The following MROH1 variants were observed in gnomAD, a reference collection of about 807,000 sequenced individuals.
MROH1 encodes the protein maestro heat-like repeat-containing protein family member 1.
MROH1 carries 117 observed loss-of-function variants against 116.5 expected under a neutral mutation model. That is an observed-to-expected ratio of 1.00 (90% CI 0.86 to 1.17). MROH1 has a LOEUF of 1.17. MROH1 is among the 50% of genes most tolerant of loss of function. MROH1 has a pLI of 0.00. For synonymous variants in MROH1, 921 were observed against 583.9 expected, an observed-to-expected ratio of 1.58 and a Z score of -8.32; for missense variants, 1,873 against 1,338.5, an observed-to-expected ratio of 1.40 and a Z score of -6.23.
At chr8:144,244,868 T>C (rs1316869460) in intron 28 of MROH1, among the ~76,000 whole-genome samples, 1 of 152,054 alleles carries the variant, frequency 6.6e-6, no homozygotes, top group Non-Finnish European at 1.5e-5. Flanking sequence ...ATGCTCGGAG[T>C]GTGTTCTTCT....
At chr8:144,205,073 T>A (rs1278505156) in intron 12 of MROH1, among the ~76,000 whole-genome samples, 1 of 152,180 alleles carries the variant, frequency 6.6e-6, no homozygotes, top group East Asian at 1.9e-4. Context: ...TTTGTGGGTA[T>A]GTTATGAGGT....
At position 144,250,346 on chromosome 8, in the gene MROH1, C is replaced by A; in HGVS notation, c.3408C>A (p.Gly1136=). The change falls in exon 33 of 44, where the codon GGC becomes GGA. Residue 1136 remains glycine (G), a synonymous_variant. Transcript: ENST00000326134. The part of the protein sequence containing the change: ...HCAAVVSSLL[G]SPLPLDSHTC... ...CAGCCGTGGTGTCCAGCCTCCTGGG[C>A]AGCCCCTTGCCCTTGGACAGGTACC... 1.3e-6 allele frequency: 1 copy of A among 766,362 alleles called. No homozygotes were observed. 47.5% of individuals were successfully genotyped at this position (766,362 alleles called of 1,614,324 possible). A position where few individuals can be genotyped will look rare whatever the true frequency, so the allele number is the denominator to read the frequency against.
intron 14 of MROH1, among the ~76,000 whole-genome samples, chr8:144,223,694 C>T (rs1012973026): frequency 2.0e-5 from 3 of 152,190 alleles, no homozygotes; most frequent in South Asian, 4.1e-4. Flanking sequence ...CAAGGTAGAA[C>T]GTGGTGAAAT....
At chr8:144,217,904 G>T (rs1384089964) in intron 12 of MROH1, among the ~76,000 whole-genome samples, 1 of 150,948 alleles carries the variant, frequency 6.6e-6, no homozygotes, top group African/African-American at 2.4e-5. Flanking sequence ...GGGTGGCTGC[G>T]TTAGAGGCCC....
chr8:144,254,581 G>A, intron 33 of MROH1: 1 of 553,178 alleles, frequency 1.8e-6, no homozygotes, highest in Non-Finnish European at 3.2e-6. Flanking sequence ...TGTGTGTATA[G>A]GCCCAGATTT....
intron 33 of MROH1, chr8:144,252,737 A>G (rs1238158434): frequency 1.3e-5 from 2 of 151,110 alleles, no homozygotes; most frequent in African/African-American, 4.9e-5. Flanking sequence ...GAGGTGGACC[A>G]CCTGAGGTTG....
intron 1 of MROH1, among the ~76,000 whole-genome samples, chr8:144,158,797 C>T (rs1342880726): frequency 6.6e-6 from 1 of 151,722 alleles, no homozygotes; most frequent in Non-Finnish European, 1.5e-5. Flanking sequence ...GAGGCTGGAG[C>T]ACAGTGGTGT....
Position 144,200,391 on chromosome 8 carries a change from A to G in MROH1, c.1028-37A>G, listed in dbSNP as rs1006618477. 3.4e-6 allele frequency: 5 copies of G among 1,482,552 alleles called. No homozygotes were observed. In the African/African-American group the frequency reaches 7.0e-5, roughly 21 times the overall value. The allele number at this position is 1,482,552 out of a possible 1,614,324, so 91.8% of individuals were successfully genotyped here. A position where few individuals can be genotyped will look rare whatever the true frequency, so the allele number is the denominator to read the frequency against. On this transcript the variant is annotated intron_variant, in intron 11 of 43. Coordinates refer to ENST00000326134, the MANE Select transcript of MROH1 (RefSeq NM_032450.3). ...GACGCTGTGTATAGGGATGAACAAGATGACATGGAGCCTAATCTGTACCCG... is the reference window on the plus strand; with the variant it reads ...GACGCTGTGTATAGGGATGAACAAGGTGACATGGAGCCTAATCTGTACCCG...
chr8:144,164,300 G>A (rs541025592), intron 3 of MROH1, among the ~76,000 whole-genome samples: 4 of 151,632 alleles, frequency 2.6e-5, no homozygotes, highest in African/African-American at 9.7e-5. Context: ...AGCTACTCGG[G>A]AGGCTGAGAC....
rs1588113330 is a variant in MROH1, at chr8:144,200,484, A to G, written c.1084A>G (p.Asn362Asp). The G allele has an allele frequency of 6.4e-7, 1 of 1,552,230 alleles. No individual in the cohort carries two copies. The highest frequency in any genetic ancestry group is 2.4e-5 in the East Asian group (1 of 41,060). ...AFLLPRLDTS[N>D]ERTRVGTLQV... The stretch of plus-strand genomic sequence containing the variant: ...CCTGCTGCCCAGGCTGGACACCAGC[A>G]ATGAGAGGACCCGCGTGGGCACCCT... Residue 362 changes from asparagine (N) to aspartate (D), a missense_variant, in exon 12 of 44, where the codon AAT (asparagine) becomes GAT (aspartate). Coordinates refer to ENST00000326134, the MANE Select transcript of MROH1 (RefSeq NM_032450.3).
chr8:144,177,243 G>C (rs1164254607), intron 4 of MROH1, among the ~76,000 whole-genome samples: 1 of 152,224 alleles, frequency 6.6e-6, no homozygotes, highest in Non-Finnish European at 1.5e-5. Context: ...CAACGTTTGA[G>C]ATAGTTGCGT....
intron 14 of MROH1, among the ~76,000 whole-genome samples, chr8:144,234,499 T>TG (rs1839649719): frequency 2.5e-5 from 1 of 40,090 alleles, no homozygotes; most frequent in Non-Finnish European, 4.3e-5. Context: ...TTCTTTTTCG[T>TG]TTTTTTTTTT....
rs1487845081 is a variant in MROH1, at chr8:144,244,547, G to C, written c.2766+8G>C. 2.5e-5 allele frequency: 19 copies of C among 750,236 alleles called. No individual in the cohort carries two copies. The Admixed American group carries it at 2.9e-4, about 11-fold the overall frequency. 46.5% of individuals were successfully genotyped at this position (750,236 alleles called of 1,614,324 possible). On this transcript the variant is annotated splice_region_variant and intron_variant, in intron 28 of 43. Coordinates refer to ENST00000326134, the MANE Select transcript of MROH1 (RefSeq NM_032450.3). ...CTGCAGATCATGATTGAGGTGTGCAGGGGGGAACTGTCATGGGGATGGGGA... is the reference window on the plus strand; with the variant it reads ...CTGCAGATCATGATTGAGGTGTGCACGGGGGAACTGTCATGGGGATGGGGA...
intron 32 of MROH1, among the ~76,000 whole-genome samples, chr8:144,249,908 G>T (rs1412999846): frequency 6.6e-6 from 1 of 152,200 alleles, no homozygotes; most frequent in Non-Finnish European, 1.5e-5. Context: ...GGGGCCGCTG[G>T]CTCTGTTGGA....
chr8:144,235,918 T>C (rs1307076758), intron 14 of MROH1, among the ~76,000 whole-genome samples: 1 of 152,238 alleles, frequency 6.6e-6, no homozygotes, highest in Non-Finnish European at 1.5e-5. Flanking sequence ...ACTAAATATC[T>C]TGTTTATTTC....
intron 14 of MROH1, among the ~76,000 whole-genome samples, chr8:144,233,496 A>C (rs1839377917): frequency 8.2e-5 from 8 of 97,758 alleles, no homozygotes; most frequent in African/African-American, 2.1e-4. Context: ...CCTGCACCCC[A>C]CCATCCACCT....
At chr8:144,149,423 T>C (rs1358745542) in intron 1 of MROH1, among the ~76,000 whole-genome samples, 2 of 151,650 alleles carry the variant, frequency 1.3e-5, no homozygotes, top group African/African-American at 2.4e-5. Flanking sequence ...CTGGCTGGGG[T>C]TGATTGCTGA....
intron 14 of MROH1, among the ~76,000 whole-genome samples, chr8:144,227,303 C>T (rs1172713922): frequency 1.3e-5 from 2 of 152,190 alleles, no homozygotes; most frequent in African/African-American, 4.8e-5. Context: ...GCCACCCCTG[C>T]TTTGTTCCCA....
In MROH1 at chr8:144,180,576, G is replaced by C; in HGVS notation, c.562+53G>C. The C allele has an allele frequency of 2.6e-6, 4 of 1,545,970 alleles. No homozygotes were observed. The highest frequency in any genetic ancestry group is 1.1e-5 in the South Asian group (1 of 89,060). On this transcript the variant is annotated intron_variant, in intron 7 of 43. Transcript: ENST00000326134. This position sits in a 1 kb window ranked among gnomAD's most constrained non-coding sequence, Gnocchi z 7.4. The stretch of plus-strand genomic sequence containing the variant: ...CTCAAGTGCCCCTTTGTGGGGGGCT[G>C]TTCCCGGGCATGCCTGTTTTAGGGG...
Sources: gnomAD v4.1 joint callset for allele counts (sites outside exome capture counted in the v4.1 genomes callset) on GRCh38, gnomAD v4.1.1 for gene constraint, Gnocchi (gnomAD v3.1) non-coding constraint, MANE v1.5 for transcripts, NCBI Gene and HGNC (gene_info 2026-07-23, HGNC 2026-07-21) for gene names.